STRN3: variants seen among roughly 807,000 people sequenced by gnomAD.
The protein encoded by STRN3 is striatin 3.
In STRN3, 29 loss-of-function variants were observed where a neutral mutation model predicts 95.6. That is an observed-to-expected ratio of 0.30 (90% CI 0.23 to 0.41). The LOEUF (loss-of-function observed/expected upper bound fraction) is 0.41. STRN3 is among the 10% of genes least tolerant of loss of function. STRN3 has a pLI of 1.00. For synonymous variants in STRN3, 331 were observed against 357.6 expected (o/e 0.93, Z 0.84); for missense variants, 890 against 972.1 (o/e 0.92, Z 1.12).
rs1002618519 is a variant in STRN3, at chr14:30,929,967, A to ACAAAAAAAAAAAAAAC, written c.989-657_989-656insGTTTTTTTTTTTTTTG. 1.4e-4 allele frequency among the ~76,000 whole-genome samples: 13 copies of ACAAAAAAAAAAAAAAC among 91,212 alleles called. 1 individual carries two copies. The highest frequency in any genetic ancestry group is 6.4e-4 in the East Asian group (2 of 3,138). The allele number at this position is 91,212 out of a possible 152,430, so 59.8% of individuals were successfully genotyped here. A position where few individuals can be genotyped will look rare whatever the true frequency, so the allele number is the denominator to read the frequency against. ...AACTAAGATTAGCAAAAAAAAAAAA[A>ACAAAAAAAAAAAAAAC]AAAAAAAAAAAACTCAAATTCCACT... is the stretch of plus-strand genomic sequence containing the variant. On this transcript the variant is annotated intron_variant, in intron 7 of 17. Transcript: ENST00000357479.
chr14:30,919,076 A>G lies in STRN3; in HGVS notation c.1130T>C (p.Ile377Thr). The change falls in exon 9 of 18, where the codon ATA becomes ACA. Residue 377 changes from isoleucine (I) to threonine (T), a missense_variant. Ile to Thr is a moderately conservative substitution (Grantham distance 89). This residue lies in a region of STRN3 where 526 missense variants were observed against 526.3 expected (regional missense o/e 1.00). Coordinates refer to ENST00000357479, the MANE Select transcript of STRN3 (RefSeq NM_001083893.2). ...CAGCTCATCATCTCCCAGATCAGCT[A>G]TCATGTCGTAGAGTTTTGTCCTGTT... ...RANRTKLYDMIADLGDDELPH... is the reference protein window; with the variant it reads ...RANRTKLYDMTADLGDDELPH... 4 of 1,610,448 alleles carry G rather than the reference A, an allele frequency of 2.5e-6. No individual in the cohort carries two copies. Among genetic ancestry groups the G allele is most frequent in the Non-Finnish European group, 3.4e-6 (4 of 1,177,882 alleles).
At chr14:31,018,632 T>C (rs1220295844) in intron 1 of STRN3, 1 of 494,810 alleles carries the variant, frequency 2.0e-6, no homozygotes, top group South Asian at 1.5e-5. Context: ...CAAAGAAGAG[T>C]GCAAGAACTT....
chr14:30,975,532 C>A (rs1881049571), intron 1 of STRN3, among the ~76,000 whole-genome samples: 2 of 112,718 alleles, frequency 1.8e-5, no homozygotes, highest in Admixed American at 1.8e-4. Flanking sequence ...GCTACCTATT[C>A]CCCCCTACTG....
At chr14:31,021,605 A>G (rs1192596495) in intron 1 of STRN3, among the ~76,000 whole-genome samples, 1 of 152,192 alleles carries the variant, frequency 6.6e-6, no homozygotes, top group Non-Finnish European at 1.5e-5. Context: ...ACCCCACATA[A>G]TAACAACTGG....
At chr14:30,981,745 G>A (rs1333257839) in intron 1 of STRN3, among the ~76,000 whole-genome samples, 3 of 152,086 alleles carry the variant, frequency 2.0e-5, no homozygotes, top group East Asian at 3.9e-4. Flanking sequence ...CAAAAAACTT[G>A]CTTGCAAGAG....
intron 1 of STRN3, among the ~76,000 whole-genome samples, chr14:30,965,341 C>T (rs1157125599): frequency 6.6e-6 from 1 of 152,156 alleles, no homozygotes; most frequent in Non-Finnish European, 1.5e-5. Context: ...TATAGGAGTC[C>T]TATTTACCCC....
At chr14:30,901,809 A>C (rs1005448810) in intron 16 of STRN3, among the ~76,000 whole-genome samples, 1 of 152,200 alleles carries the variant, frequency 6.6e-6, no homozygotes, top group African/African-American at 2.4e-5. Context: ...CAAGAAATAC[A>C]GGGAAGATGA....
chr14:31,024,485 A>G (rs1190969792), intron 1 of STRN3, among the ~76,000 whole-genome samples: 2 of 152,222 alleles, frequency 1.3e-5, no homozygotes, highest in African/African-American at 4.8e-5. Context: ...TTTAAAGCCC[A>G]ATATTATATC....
chr14:31,016,076 G>T (rs187777232), intron 1 of STRN3, among the ~76,000 whole-genome samples: 3 of 152,178 alleles, frequency 2.0e-5, no homozygotes, highest in Non-Finnish European at 2.9e-5. Flanking sequence ...GCTGAAAGGG[G>T]AGCAATAATA....
chr14:30,928,031 A>AT (rs1487831047), intron 8 of STRN3, among the ~76,000 whole-genome samples: 12 of 152,106 alleles, frequency 7.9e-5, no homozygotes, highest in African/African-American at 2.9e-4. Context: ...TATACTCAGC[A>AT]TGCTTGCATT....
intron 1 of STRN3, among the ~76,000 whole-genome samples, chr14:31,002,308 C>T (rs971533503): frequency 2.0e-5 from 3 of 151,264 alleles, no homozygotes; most frequent in Non-Finnish European, 1.5e-5. Context: ...CCTATTTCTA[C>T]TAAAAATACA....
intron 1 of STRN3, among the ~76,000 whole-genome samples, chr14:30,962,241 AAT>A (rs1028895720): frequency 6.6e-6 from 1 of 152,214 alleles, no homozygotes; most frequent in African/African-American, 2.4e-5. Flanking sequence ...ATAAAAAGAA[AAT>A]ATTTTTATAT....
intron 1 of STRN3, among the ~76,000 whole-genome samples, chr14:30,957,280 C>A (rs1179542952): frequency 6.6e-6 from 1 of 152,036 alleles, no homozygotes. Context: ...CGGTGAAACC[C>A]GTCTCTACTA....
At chr14:30,985,939 G>C (rs193020995) in intron 1 of STRN3, among the ~76,000 whole-genome samples, 27 of 152,080 alleles carry the variant, frequency 1.8e-4, no homozygotes, top group African/African-American at 5.5e-4. Flanking sequence ...ACCCCCCTCA[G>C]CTCTCTTTTC....
chr14:30,939,762 A>C (rs745818305), intron 5 of STRN3, among the ~76,000 whole-genome samples: 2 of 152,110 alleles, frequency 1.3e-5, no homozygotes, highest in African/African-American at 2.4e-5. Context: ...TTTTTAAAGA[A>C]GCTTCCCTTT....
chr14:30,924,149 G>A (rs867709080), intron 8 of STRN3, among the ~76,000 whole-genome samples: 18 of 139,628 alleles, frequency 1.3e-4, no homozygotes, highest in Middle Eastern at 4.2e-3. Flanking sequence ...GAGTATCTTT[G>A]TTTAAATATA....
rs1350093373 is a variant in STRN3 at position 30,955,649 on chromosome 14, C to T, written c.431G>A (p.Gly144Asp). Reference sequence around the variant, plus strand: ...CTCAAAGGTTGGCATTTTCAAGTCACCTTGGTTCAGTTCCGTGCCATATTT... The same window carrying T: ...CTCAAAGGTTGGCATTTTCAAGTCATCTTGGTTCAGTTCCGTGCCATATTT... ...KLKYGTELNQGDLKMPTFESE... is the reference protein window; with the variant it reads ...KLKYGTELNQDDLKMPTFESE... Residue 144 changes from glycine to aspartate, a missense_variant, in exon 3 of 18, where the codon GGT (glycine) becomes GAT (aspartate). By Grantham distance (94) the Gly-to-Asp change is moderately conservative. Around this residue, in one of 3 missense-constraint regions of STRN3, gnomAD observed 526 missense variants for 526.3 expected, o/e 1.00. Coordinates refer to ENST00000357479, the MANE Select transcript of STRN3 (RefSeq NM_001083893.2). The T allele has an allele frequency of 6.3e-7, 1 of 1,579,332 alleles. No homozygotes were observed. The highest frequency in any genetic ancestry group is 8.6e-7 in the Non-Finnish European group (1 of 1,169,194).
At chr14:30,921,464 C>T (rs1896883556) in intron 8 of STRN3, among the ~76,000 whole-genome samples, 2 of 152,124 alleles carry the variant, frequency 1.3e-5, no homozygotes, top group African/African-American at 2.4e-5. Flanking sequence ...CTGATAGCTT[C>T]AGTGTGACAC....
chr14:30,907,106 A>C (rs1042780095), intron 13 of STRN3, 62 bp from the exon 14 acceptor site: 31 of 1,566,326 alleles, frequency 2.0e-5, no homozygotes, highest in Non-Finnish European at 2.5e-5. Context: ...ACTTTGATAC[A>C]TAAAGAAAAC....
Sources: gnomAD v4.1 joint callset for allele counts (sites outside exome capture counted in the v4.1 genomes callset) on GRCh38, gnomAD v4.1.1 for gene constraint, gnomAD v4.1.1 regional missense constraint, MANE v1.5 for transcripts, NCBI Gene and HGNC (gene_info 2026-07-23, HGNC 2026-07-21) for gene names.